Variants in SUMF1 observed in about 807,000 individuals in gnomAD.
SUMF1 encodes the protein sulfatase modifying factor 1.
Under a neutral mutation model 47.6 loss-of-function variants are expected in SUMF1, and 48 were observed. That is an observed-to-expected ratio of 1.01 (90% confidence interval 0.80 to 1.28). The LOEUF (loss-of-function observed/expected upper bound fraction) is 1.28. Ranked by LOEUF, SUMF1 falls within the 50% of genes most tolerant of loss-of-function variation. The pLI, the probability that SUMF1 is intolerant of heterozygous loss-of-function variation, is 0.00. For synonymous variants in SUMF1, 230 were observed against 192.1 expected (o/e 1.20, Z -1.63); for missense variants, 571 against 485.4 (o/e 1.18, Z -1.66).
chr3:4,330,449 C>T (rs927604968), intron 8 of SUMF1, among the ~76,000 whole-genome samples: 5 of 152,226 alleles, frequency 3.3e-5, no homozygotes, highest in African/African-American at 1.2e-4. Flanking sequence ...CCATGCACGT[C>T]TTACATGGTG....
At chr3:4,151,043 AAC>A (rs1334833195) in intron 8 of SUMF1, among the ~76,000 whole-genome samples, 6 of 151,422 alleles carry the variant, frequency 4.0e-5, no homozygotes, top group African/African-American at 1.2e-4. Context: ...GTCACACTTC[AAC>A]AGAGGATTAA....
intron 8 of SUMF1, among the ~76,000 whole-genome samples, chr3:4,223,411 A>C (rs1436132849): frequency 6.6e-6 from 1 of 152,132 alleles, no homozygotes. Context: ...AGTTACCTTA[A>C]GACTTAAACA....
In SUMF1 at chr3:4,370,683, G is replaced by T. The variant is rs1174883224; in HGVS notation, c.1014+5647C>A. ...ATATCTGAAGACCCCGGTATATACA[G>T]AATAATTCCATTCTTGAAAGACAAA... On this transcript the variant is annotated intron_variant, in intron 8 of 8. Transcript: ENST00000272902. 2.0e-5 allele frequency among the ~76,000 whole-genome samples: 3 copies of T among 152,064 alleles called. No homozygotes were observed. In the East Asian group the frequency reaches 5.8e-4, roughly 29 times the overall value.
intron 8 of SUMF1, among the ~76,000 whole-genome samples, chr3:4,141,669 TCAAACAAACAAA>T (rs138261177): frequency 2.6e-5 from 4 of 151,804 alleles, no homozygotes; most frequent in African/African-American, 4.9e-5. Context: ...CTTCAAAGCC[TCAAACAAACAAA>T]CAAACAAACA....
intron 8 of SUMF1, among the ~76,000 whole-genome samples, chr3:4,257,568 C>A (rs1461846693): frequency 6.6e-6 from 1 of 150,582 alleles, no homozygotes; most frequent in African/African-American, 2.5e-5. Flanking sequence ...TGTGAAGGAC[C>A]TCTTCAAGGA....
chr3:4,156,245 G>A (rs745769185), intron 8 of SUMF1, among the ~76,000 whole-genome samples: 11 of 151,362 alleles, frequency 7.3e-5, no homozygotes, highest in Non-Finnish European at 1.6e-4. Context: ...GCCTGCAGAA[G>A]GGAAACAACT....
intron 9 of SUMF1, among the ~76,000 whole-genome samples, chr3:4,051,198 T>C (rs1331659142): frequency 6.6e-6 from 1 of 151,366 alleles, no homozygotes; most frequent in Non-Finnish European, 1.5e-5. Flanking sequence ...AACTACCTGT[T>C]CCTCCCAGGC....
chr3:4,230,610 G>A (rs1242801), intron 8 of SUMF1, among the ~76,000 whole-genome samples: 2 of 152,082 alleles, frequency 1.3e-5, no homozygotes, highest in African/African-American at 2.4e-5. Flanking sequence ...CAAACTGGAA[G>A]TTCTCCAGAG....
intron 8 of SUMF1, among the ~76,000 whole-genome samples, chr3:4,139,849 C>T (rs1044541816): frequency 6.6e-6 from 1 of 151,916 alleles, no homozygotes; most frequent in African/African-American, 2.4e-5. Flanking sequence ...TGCAATGATT[C>T]CAGCCTACTC....
At position 4,453,551 on chromosome 3, in the gene SUMF1, G is replaced by A. The variant is rs948039579; in HGVS notation, c.271-502C>T. Among the ~76,000 whole-genome samples, 2 of 97,494 alleles carry A rather than the reference G, an allele frequency of 2.1e-5. 1 individual carries two copies. Among genetic ancestry groups the A allele is most frequent in the African/African-American group, 7.7e-5 (2 of 26,072 alleles). 64.0% of individuals were successfully genotyped at this position (97,494 alleles called of 152,430 possible). A position where few individuals can be genotyped will look rare whatever the true frequency, so the allele number is the denominator to read the frequency against. Reference sequence around the variant, plus strand: ...CCAACTAATTTTTTTTTTTTTTTTTGAGACGGAGTCTTGCTCTGTCGCCCC... The same window carrying A: ...CCAACTAATTTTTTTTTTTTTTTTTAAGACGGAGTCTTGCTCTGTCGCCCC... On this transcript the variant is annotated intron_variant, in intron 1 of 8. Coordinates refer to ENST00000272902, the MANE Select transcript of SUMF1 (RefSeq NM_182760.4).
At chr3:4,311,557 G>A (rs900351819) in intron 8 of SUMF1, among the ~76,000 whole-genome samples, 1 of 152,170 alleles carries the variant, frequency 6.6e-6, no homozygotes, top group Non-Finnish European at 1.5e-5. Flanking sequence ...CCTGGTATCA[G>A]TACTGAAAAA....
intron 8 of SUMF1, chr3:4,316,086 G>C (rs1698631001): frequency 8.6e-6 from 4 of 463,438 alleles, no homozygotes; most frequent in Non-Finnish European, 1.5e-5. Flanking sequence ...TTTTTGCATT[G>C]TTGGAATTTG....
chr3:4,436,784 C>A (rs1391484816), intron 3 of SUMF1, among the ~76,000 whole-genome samples: 1 of 147,670 alleles, frequency 6.8e-6, no homozygotes, highest in Non-Finnish European at 1.5e-5. Flanking sequence ...AGGATAAATA[C>A]AAGAAATCAA....
At chr3:4,159,321 A>G (rs1220678638) in intron 8 of SUMF1, among the ~76,000 whole-genome samples, 4 of 145,742 alleles carry the variant, frequency 2.7e-5, no homozygotes, top group African/African-American at 1.0e-4. Context: ...TTTTTATTTG[A>G]GGTTACCATG....
rs139699941 is a variant in SUMF1 at position 4,208,394 on chromosome 3, T to C, written c.1015-139649A>G. On this transcript the variant is annotated intron_variant and NMD_transcript_variant, in intron 8 of 12. Transcript: ENST00000448413. ...ACTTACCGCTACTTTACTAAAGGCC[T>C]ATTTACTGCAGTTCCAGTTACCCAG... Among the ~76,000 whole-genome samples the C allele has an allele frequency of 4.2e-4, 63 of 151,750 alleles. No individual in the cohort carries two copies. The East Asian group carries it at 0.012, about 28-fold the overall frequency.
intron 8 of SUMF1, among the ~76,000 whole-genome samples, chr3:4,200,734 C>A (rs1339021474): frequency 2.6e-5 from 4 of 152,076 alleles, no homozygotes; most frequent in African/African-American, 9.7e-5. Flanking sequence ...ATCTGTCTAT[C>A]CATACTATCC....
intron 3 of SUMF1, among the ~76,000 whole-genome samples, chr3:4,438,673 C>A (rs1702480225): frequency 6.6e-6 from 1 of 152,098 alleles, no homozygotes; most frequent in Admixed American, 6.6e-5. Flanking sequence ...TTGACAGAAT[C>A]ACTAAGAGAA....
intron 8 of SUMF1, among the ~76,000 whole-genome samples, chr3:4,142,671 G>A (rs950801057): frequency 1.3e-5 from 2 of 151,966 alleles, no homozygotes; most frequent in Non-Finnish European, 2.9e-5. Flanking sequence ...TTGGGAATCA[G>A]GGAACCTCAA....
At chr3:4,359,478 T>C (rs1341143711), downstream of SUMF1, among the ~76,000 whole-genome samples, 1 of 152,210 alleles carries the variant, frequency 6.6e-6, no homozygotes, top group Admixed American at 6.5e-5. Context: ...AGATGGGGTC[T>C]CGCTTTGTTG....
Sources: gnomAD v4.1 joint callset for allele counts (sites outside exome capture counted in the v4.1 genomes callset) on GRCh38, gnomAD v4.1.1 for gene constraint, MANE v1.5 for transcripts, NCBI Gene and HGNC (gene_info 2026-07-23, HGNC 2026-07-21) for gene names.